The following HHAT variants were observed in gnomAD, a reference collection of about 807,000 sequenced individuals.
HHAT encodes the protein protein-cysteine N-palmitoyltransferase HHAT.
A neutral mutation model predicts 70.8 loss-of-function variants in HHAT; 47 were observed. The observed-to-expected ratio is 0.66, with a 90% CI of 0.53 to 0.85. The LOEUF is 0.85. Ranked by LOEUF, HHAT falls within the 40% of genes least tolerant of loss-of-function variation. The pLI is 0.00. For synonymous variants in HHAT, 228 were observed against 247.6 expected, an observed-to-expected ratio of 0.92 and a Z score of 0.74; for missense variants, 609 against 604.8, an observed-to-expected ratio of 1.01 and a Z score of -0.07.
intron 7 of HHAT, among the ~76,000 whole-genome samples, chr1:210,428,898 C>G (rs1447941403): frequency 2.0e-5 from 3 of 151,646 alleles, no homozygotes; most frequent in African/African-American, 7.3e-5. Context: ...ATCACTTGAG[C>G]CCAGGAGGTC....
intron 7 of HHAT, among the ~76,000 whole-genome samples, chr1:210,426,690 G>A (rs1429235382): frequency 1.3e-5 from 2 of 152,148 alleles, no homozygotes; most frequent in African/African-American, 4.8e-5. Context: ...CAGGGATAAA[G>A]CCTACTTGAT....
chr1:210,515,670 A>C (rs550330002), intron 9 of HHAT, among the ~76,000 whole-genome samples: 11 of 149,092 alleles, frequency 7.4e-5, no homozygotes, highest in African/African-American at 2.5e-4. Flanking sequence ...AGGCAGGAGA[A>C]TGGCATGAAC....
At chr1:210,365,747 C>G (rs2088886482) in intron 3 of HHAT, among the ~76,000 whole-genome samples, 2 of 151,532 alleles carry the variant, frequency 1.3e-5, no homozygotes, top group Admixed American at 1.3e-4. Flanking sequence ...TCTTGAGTAG[C>G]TGGGATTATA....
chr1:210,515,650 C>T (rs906278832), intron 9 of HHAT, among the ~76,000 whole-genome samples: 5 of 145,854 alleles, frequency 3.4e-5, no homozygotes, highest in Non-Finnish European at 4.5e-5. Flanking sequence ...CCCAGCTACT[C>T]GGGAGGCTGA....
At chr1:210,502,457 A>T (rs2094777013) in intron 8 of HHAT, among the ~76,000 whole-genome samples, 2 of 151,982 alleles carry the variant, frequency 1.3e-5, no homozygotes, top group African/African-American at 2.4e-5. Context: ...TATCTCATTT[A>T]ATTTATAGTA....
chr1:210,335,438 G>C (rs1178778232), intron 1 of HHAT, among the ~76,000 whole-genome samples: 3 of 152,050 alleles, frequency 2.0e-5, no homozygotes, highest in Non-Finnish European at 2.9e-5. Context: ...CAAAATCCCG[G>C]CAAATTTTTT....
At chr1:210,568,459 G>A (rs1483748171) in intron 9 of HHAT, among the ~76,000 whole-genome samples, 2 of 152,308 alleles carry the variant, frequency 1.3e-5, no homozygotes, top group African/African-American at 4.8e-5. Context: ...TTATGTTACC[G>A]ATGGAGGGTG....
intron 1 of HHAT, among the ~76,000 whole-genome samples, chr1:210,346,295 T>G (rs540268009): frequency 1.8e-3 from 274 of 152,256 alleles, no homozygotes; most frequent in Non-Finnish European, 3.2e-3. Flanking sequence ...AGATTCTTCA[T>G]GAGGCAAAGA....
intron 11 of HHAT, among the ~76,000 whole-genome samples, chr1:210,670,473 C>T (rs1679849610): frequency 6.6e-6 from 1 of 152,194 alleles, no homozygotes; most frequent in Non-Finnish European, 1.5e-5. Flanking sequence ...GTGATGGGAG[C>T]TCTGAAGGCC....
chr1:210,578,221 C>CA (rs2148758563), intron 9 of HHAT, among the ~76,000 whole-genome samples: 1 of 152,000 alleles, frequency 6.6e-6, no homozygotes, highest in South Asian at 2.1e-4. Context: ...TTGTATGTTT[C>CA]AAGATATATG....
chr1:210,523,290 C>G (rs2095189484), intron 9 of HHAT, among the ~76,000 whole-genome samples: 1 of 152,172 alleles, frequency 6.6e-6, no homozygotes, highest in South Asian at 2.1e-4. Flanking sequence ...CTCACCATCT[C>G]CTAGCATCTT....
chr1:210,509,153 T>C (rs1384138172), intron 8 of HHAT, among the ~76,000 whole-genome samples: 2 of 152,216 alleles, frequency 1.3e-5, no homozygotes, highest in Non-Finnish European at 1.5e-5. Context: ...AGATTGAATA[T>C]CCCTTACTTG....
intron 10 of HHAT, among the ~76,000 whole-genome samples, chr1:210,600,668 C>A (rs866086021): frequency 6.6e-6 from 1 of 152,124 alleles, no homozygotes; most frequent in Non-Finnish European, 1.5e-5. Context: ...ACTGCTGGAG[C>A]ACTGTGCTTT....
At chr1:210,410,256 T>C (rs184961162) in intron 6 of HHAT, among the ~76,000 whole-genome samples, 27 of 151,430 alleles carry the variant, frequency 1.8e-4, no homozygotes, top group Non-Finnish European at 2.9e-4. Flanking sequence ...CGAGGTTTCA[T>C]CGTGTTAGCC....
In HHAT at chr1:210,676,220, C is replaced by T. The variant is rs942938729; in HGVS notation, c.*1841C>T. On this transcript the variant is annotated 3_prime_UTR_variant, in exon 12 of 12. Transcript: ENST00000261458. ...AGTGGATATATTTGAAAGTGGTAAT[C>T]CTGAATCTCTTTTAAACTATTATAT... 1 of 152,110 alleles carries T rather than the reference C, an allele frequency of 6.6e-6. No homozygotes were observed. Among genetic ancestry groups the T allele is most frequent in the African/African-American group, 2.4e-5 (1 of 41,410 alleles). The allele number at this position is 152,110 out of a possible 1,614,324, so 9.4% of individuals were successfully genotyped here. A position where few individuals can be genotyped will look rare whatever the true frequency, so the allele number is the denominator to read the frequency against.
At chr1:210,373,901 G>GA (rs1455204588) in intron 3 of HHAT, among the ~76,000 whole-genome samples, 3 of 152,178 alleles carry the variant, frequency 2.0e-5, no homozygotes, top group Admixed American at 1.3e-4. Flanking sequence ...ACTTAAGGGG[G>GA]AGTCTCCAAA....
intron 2 of HHAT, among the ~76,000 whole-genome samples, chr1:210,360,846 C>CTTTTTTTTTTTTT (rs3036585): frequency 8.0e-6 from 1 of 124,302 alleles, no homozygotes; most frequent in African/African-American, 3.3e-5. Flanking sequence ...ATTAACTTCA[C>CTTTTTTTTTTTTT]TTTTTTTTTT....
intron 4 of HHAT, among the ~76,000 whole-genome samples, chr1:210,394,048 A>G (rs1409354124): frequency 6.6e-6 from 1 of 152,082 alleles, no homozygotes; most frequent in Admixed American, 6.6e-5. Flanking sequence ...GAGGCATCCT[A>G]AACTATAGGC....
chr1:210,457,704 A>C (rs752495495), intron 7 of HHAT, among the ~76,000 whole-genome samples: 1 of 152,218 alleles, frequency 6.6e-6, no homozygotes, highest in African/African-American at 2.4e-5. Flanking sequence ...TCTGTTGCTC[A>C]TGAATTTTCA....
Sources: gnomAD v4.1 joint callset for allele counts (sites outside exome capture counted in the v4.1 genomes callset) on GRCh38, gnomAD v4.1.1 for gene constraint, MANE v1.5 for transcripts, NCBI Gene and HGNC (gene_info 2026-07-23, HGNC 2026-07-21) for gene names.